The following ATP6V1C1 variants were observed in gnomAD, a reference collection of about 807,000 sequenced individuals.
ATP6V1C1 encodes V-type proton ATPase subunit C 1.
ATP6V1C1 carries 45 observed loss-of-function variants against 53.9 expected under a neutral mutation model. That is an observed-to-expected ratio of 0.83 (90% CI 0.66 to 1.07). The LOEUF (loss-of-function observed/expected upper bound fraction) is 1.07, where lower values mean the gene tolerates loss of function less well. Among genes scored for constraint, ATP6V1C1 ranks in the 50% least tolerant of loss-of-function variants. ATP6V1C1 has a pLI of 0.00. For missense variants in ATP6V1C1, 315 were observed against 440.3 expected (o/e 0.72, Z 2.55); for synonymous variants, 153 against 155.2 (o/e 0.99, Z 0.11).
chr8:103,035,872 TTG>T (rs1001283709), intron 1 of ATP6V1C1, among the ~76,000 whole-genome samples: 11 of 152,156 alleles, frequency 7.2e-5, no homozygotes, highest in African/African-American at 2.4e-4. Context: ...ATCTCGAATT[TTG>T]TGTGTGTGTC....
intron 1 of ATP6V1C1, among the ~76,000 whole-genome samples, chr8:103,028,089 G>C (rs1477466841): frequency 1.3e-5 from 2 of 152,214 alleles, no homozygotes; most frequent in South Asian, 4.1e-4. Context: ...TGCTGTTAAT[G>C]ACATGAGTGT....
intron 1 of ATP6V1C1, among the ~76,000 whole-genome samples, chr8:103,026,988 A>G (rs1816708072): frequency 6.6e-6 from 1 of 152,234 alleles, no homozygotes; most frequent in Non-Finnish European, 1.5e-5. Flanking sequence ...GTTTCGAAGG[A>G]TAGAATTTTT....
At chr8:103,038,677 T>G (rs1315390980) in intron 1 of ATP6V1C1, among the ~76,000 whole-genome samples, 1 of 152,242 alleles carries the variant, frequency 6.6e-6, no homozygotes, top group Non-Finnish European at 1.5e-5. Context: ...TTAAAATTAA[T>G]GATCACTGGA....
chr8:103,027,765 C>G (rs1278513060), intron 1 of ATP6V1C1, among the ~76,000 whole-genome samples: 1 of 151,160 alleles, frequency 6.6e-6, no homozygotes. Flanking sequence ...ACAGAATTGA[C>G]TAGTGTTTCC....
At position 103,021,121 on chromosome 8, in the gene ATP6V1C1, G is replaced by T. The variant is rs754663265; in HGVS notation, c.-144G>T. ...TTGGGTAGAGGAAGCCGTGAGGCCGGAGCTTAGGTCGGGAAGGGATGGATC... is the reference window on the plus strand; with the variant it reads ...TTGGGTAGAGGAAGCCGTGAGGCCGTAGCTTAGGTCGGGAAGGGATGGATC... On this transcript the variant is annotated 5_prime_UTR_variant, in exon 1 of 13. Transcript: ENST00000518738. 6.5e-6 allele frequency: 1 copy of T among 152,868 alleles called. No individual in the cohort carries two copies. The highest frequency in any genetic ancestry group is 1.5e-5 in the Non-Finnish European group (1 of 68,228). The allele number at this position is 152,868 out of a possible 1,614,324, so 9.5% of individuals were successfully genotyped here. A position where few individuals can be genotyped will look rare whatever the true frequency, so the allele number is the denominator to read the frequency against.
chr8:103,066,954 CAT>C (rs1367996658), intron 12 of ATP6V1C1, among the ~76,000 whole-genome samples: 1 of 148,512 alleles, frequency 6.7e-6, no homozygotes, highest in Admixed American at 6.7e-5. Context: ...ACCTGGGTAA[CAT>C]AGTAAGATCC....
At chr8:103,028,351 G>T (rs752110732) in intron 1 of ATP6V1C1, among the ~76,000 whole-genome samples, 9 of 152,204 alleles carry the variant, frequency 5.9e-5, no homozygotes, top group Non-Finnish European at 1.2e-4. Context: ...TAGTAGTGAT[G>T]ACAGTGAAGA....
At chr8:103,064,626 C>A in intron 10 of ATP6V1C1, 88 bp from the exon 11 acceptor site, 1 of 975,212 alleles carries the variant, frequency 1.0e-6, no homozygotes. Flanking sequence ...CTATAGATTC[C>A]TAATAGGTAG....
intron 1 of ATP6V1C1, among the ~76,000 whole-genome samples, chr8:103,023,280 CT>C (rs576209249): frequency 0.074 from 8,378 of 112,960 alleles, 302 homozygotes; most frequent in East Asian, 0.16. Flanking sequence ...CAGGTTGTGG[CT>C]TTTTTTTTTT....
At chr8:103,038,834 G>T (rs1361187212) in intron 1 of ATP6V1C1, among the ~76,000 whole-genome samples, 2 of 152,116 alleles carry the variant, frequency 1.3e-5, no homozygotes, top group Non-Finnish European at 2.9e-5. Flanking sequence ...ACTTATCTTT[G>T]GATGGCCTCA....
At chr8:103,035,132 T>C (rs948922404) in intron 1 of ATP6V1C1, among the ~76,000 whole-genome samples, 3 of 152,152 alleles carry the variant, frequency 2.0e-5, no homozygotes, top group Non-Finnish European at 4.4e-5. Flanking sequence ...AAACCCTCTT[T>C]TTTATATTTT....
intron 12 of ATP6V1C1, 100 bp downstream of exon 12, chr8:103,066,547 T>G: frequency 1.6e-6 from 2 of 1,286,172 alleles, no homozygotes; most frequent in Non-Finnish European, 2.1e-6. Context: ...AGTATGAAAC[T>G]TAATCATTTT....
chr8:103,021,699 A>G (rs1212814823), intron 1 of ATP6V1C1, among the ~76,000 whole-genome samples: 1 of 152,096 alleles, frequency 6.6e-6, no homozygotes, highest in African/African-American at 2.4e-5. Context: ...CCCTAACTGC[A>G]GGCAAGGAAC....
At chr8:103,061,157 C>T (rs773302682) in intron 8 of ATP6V1C1, among the ~76,000 whole-genome samples, 12 of 152,094 alleles carry the variant, frequency 7.9e-5, no homozygotes, top group Non-Finnish European at 2.9e-5. Context: ...TGATGGACAC[C>T]AGGAGCAAGA....
intron 10 of ATP6V1C1, among the ~76,000 whole-genome samples, chr8:103,063,640 A>G (rs1327271966): frequency 6.6e-6 from 1 of 152,158 alleles, no homozygotes; most frequent in Admixed American, 6.5e-5. Context: ...TTCTTGAGGC[A>G]GATTTTTTCA....
At chr8:103,042,096 C>T (rs1175295156) in intron 2 of ATP6V1C1, among the ~76,000 whole-genome samples, 2 of 152,116 alleles carry the variant, frequency 1.3e-5, no homozygotes, top group Non-Finnish European at 2.9e-5. Context: ...ATAGTACAAG[C>T]ACAGACCTGT....
chr8:103,040,014 A>G (rs1212307419), intron 1 of ATP6V1C1, among the ~76,000 whole-genome samples: 1 of 152,204 alleles, frequency 6.6e-6, no homozygotes, highest in Non-Finnish European at 1.5e-5. Flanking sequence ...CAAATTTACT[A>G]GCCATGTAGG....
At chr8:103,058,835 T>C (rs1046941651) in intron 8 of ATP6V1C1, among the ~76,000 whole-genome samples, 3 of 152,252 alleles carry the variant, frequency 2.0e-5, no homozygotes, top group Non-Finnish European at 4.4e-5. Context: ...ACCATTGCTG[T>C]GAGGCTAAAT....
intron 1 of ATP6V1C1, among the ~76,000 whole-genome samples, chr8:103,031,188 A>T (rs1327705155): frequency 6.6e-6 from 1 of 152,234 alleles, no homozygotes; most frequent in East Asian, 1.9e-4. Context: ...TAAAAATGGA[A>T]CTTAAAGCAG....
Sources: gnomAD v4.1 joint callset for allele counts (sites outside exome capture counted in the v4.1 genomes callset) on GRCh38, gnomAD v4.1.1 for gene constraint, MANE v1.5 for transcripts, NCBI Gene and HGNC (gene_info 2026-07-23, HGNC 2026-07-21) for gene names.